CNTN5: variants seen among roughly 807,000 people sequenced by gnomAD.
The protein encoded by CNTN5 is contactin 5.
CNTN5 carries 77 observed loss-of-function variants against 129.1 expected under a neutral mutation model. The observed-to-expected ratio is 0.60, with a 90% CI of 0.50 to 0.72. The LOEUF is 0.72. Ranked by LOEUF, CNTN5 falls within the 30% of genes least tolerant of loss-of-function variation. The pLI, the probability that CNTN5 is intolerant of heterozygous loss-of-function variation, is 0.00. For synonymous variants in CNTN5, 509 were observed against 465.6 expected (o/e 1.09, Z -1.20); for missense variants, 1,478 against 1,328.8 (o/e 1.11, Z -1.75).
intron 2 of CNTN5, among the ~76,000 whole-genome samples, chr11:99,527,554 G>T (rs1032181641): frequency 6.6e-6 from 1 of 152,000 alleles, no homozygotes; most frequent in Non-Finnish European, 1.5e-5. Context: ...GAAAAATAGA[G>T]CAACTTCTCC....
intron 1 of CNTN5, among the ~76,000 whole-genome samples, chr11:99,126,475 C>T (rs1858639532): frequency 6.6e-6 from 1 of 152,164 alleles, no homozygotes; most frequent in Non-Finnish European, 1.5e-5. Flanking sequence ...CAGCCTTCTC[C>T]TGAATAGGTA....
intron 7 of CNTN5, among the ~76,000 whole-genome samples, chr11:99,923,501 A>G (rs758666510): frequency 2.7e-4 from 41 of 152,206 alleles, no homozygotes; most frequent in Non-Finnish European, 4.1e-4. Flanking sequence ...GTCATTTATT[A>G]CTATTTTACT....
chr11:99,976,077 C>A (rs946071276), intron 8 of CNTN5, among the ~76,000 whole-genome samples: 1 of 152,204 alleles, frequency 6.6e-6, no homozygotes, highest in Non-Finnish European at 1.5e-5. Context: ...AACCAAGGGG[C>A]TACAGGCCCC....
Position 99,328,692 on chromosome 11 carries a change from G to T in CNTN5, c.-71+3208G>T, listed in dbSNP as rs939042645. On this transcript the variant is annotated intron_variant, in intron 2 of 24. Transcript: ENST00000524871. ...TTGAGACCAGCTTGACCAACATGGA[G>T]AAACCCCGTCTCTACTAAAAATACA... 5.3e-5 allele frequency among the ~76,000 whole-genome samples: 8 copies of T among 151,824 alleles called. No homozygotes were observed. In the South Asian group the frequency reaches 1.7e-3, roughly 32 times the overall value.
intron 3 of CNTN5, among the ~76,000 whole-genome samples, chr11:99,557,602 G>T (rs10790797): frequency 0.55 from 82,809 of 151,096 alleles, 22,818 homozygotes; most frequent in South Asian, 0.66. Context: ...AATCATTTAA[G>T]CTATATTTTT....
chr11:99,920,698 G>T (rs1012800296), intron 7 of CNTN5, among the ~76,000 whole-genome samples: 3 of 152,144 alleles, frequency 2.0e-5, no homozygotes, highest in African/African-American at 7.2e-5. Context: ...TTCTTGCTGT[G>T]TACTCACATG....
intron 2 of CNTN5, among the ~76,000 whole-genome samples, chr11:99,444,854 C>T (rs192506379): frequency 3.2e-4 from 48 of 151,782 alleles, no homozygotes; most frequent in African/African-American, 1.1e-3. Context: ...TACAGGTATC[C>T]ATAAATAAAG....
chr11:99,487,365 C>T (rs1419130175), intron 2 of CNTN5, among the ~76,000 whole-genome samples: 1 of 152,164 alleles, frequency 6.6e-6, no homozygotes, highest in East Asian at 1.9e-4. Flanking sequence ...GGCTTCTGCA[C>T]TGTGATTACT....
chr11:99,685,840 T>G (rs1319063545), intron 3 of CNTN5, among the ~76,000 whole-genome samples: 1 of 152,104 alleles, frequency 6.6e-6, no homozygotes, highest in East Asian at 1.9e-4. Flanking sequence ...ATTTTATGTT[T>G]TACTATTTGT....
chr11:99,840,291 A>G (rs1947443080), intron 4 of CNTN5, among the ~76,000 whole-genome samples: 1 of 152,176 alleles, frequency 6.6e-6, no homozygotes, highest in Non-Finnish European at 1.5e-5. Flanking sequence ...AAAAAGGAAT[A>G]CAGCATACAA....
chr11:99,840,356 A>T (rs988505871), intron 4 of CNTN5, among the ~76,000 whole-genome samples: 1 of 152,314 alleles, frequency 6.6e-6, no homozygotes, highest in African/African-American at 2.4e-5. Context: ...CCATGGGAAG[A>T]TACATAAGTA....
At chr11:99,200,155 A>AT (rs1332929946) in intron 1 of CNTN5, among the ~76,000 whole-genome samples, 1 of 151,986 alleles carries the variant, frequency 6.6e-6, no homozygotes, top group Non-Finnish European at 1.5e-5. Context: ...GTGGGCAAAG[A>AT]TTTTTTCTAT....
intron 3 of CNTN5, among the ~76,000 whole-genome samples, chr11:99,793,689 G>T (rs930147786): frequency 4.6e-5 from 7 of 152,006 alleles, no homozygotes; most frequent in East Asian, 1.9e-4. Flanking sequence ...CCCAGAAGTC[G>T]CTCAGGAGCA....
intron 1 of CNTN5, among the ~76,000 whole-genome samples, chr11:99,276,720 A>G (rs1555098602): frequency 6.6e-6 from 1 of 151,356 alleles, no homozygotes; most frequent in Non-Finnish European, 1.5e-5. Context: ...ATTTGAGTGT[A>G]TTTTTTTATA....
chr11:99,987,705 CT>C lies in CNTN5; in HGVS notation c.878-14327del, dbSNP rs1225716972. 2.0e-5 allele frequency among the ~76,000 whole-genome samples: 3 copies of C among 151,994 alleles called. No individual in the cohort carries two copies. In the East Asian group the frequency reaches 5.8e-4, roughly 29 times the overall value. On this transcript the variant is annotated intron_variant, in intron 8 of 24. Transcript: ENST00000524871. ...TTGGGAATGGGTAAATAAATTCTTC[CT>C]TGCAAACAATATGAATGTTTCCTGG... is the stretch of plus-strand genomic sequence containing the variant.
At position 99,353,701 on chromosome 11, in the gene CNTN5, A is replaced by T. The variant is rs1938454080; in HGVS notation, c.-71+28217A>T. Among the ~76,000 whole-genome samples, 2 of 152,184 alleles carry T rather than the reference A, an allele frequency of 1.3e-5. 1 individual carries two copies. Among genetic ancestry groups the T allele is most frequent in the South Asian group, 4.1e-4 (2 of 4,824 alleles). ...TGAGGATAGCCAGGACTACCAAGACATTTGCAGATCTGTTGCCTAAGAATG... is the reference window on the plus strand; with the variant it reads ...TGAGGATAGCCAGGACTACCAAGACTTTTGCAGATCTGTTGCCTAAGAATG... On this transcript the variant is annotated intron_variant, in intron 2 of 24. Transcript: ENST00000524871.
chr11:100,184,991 C>G (rs1006785602), intron 13 of CNTN5, among the ~76,000 whole-genome samples: 2 of 148,028 alleles, frequency 1.4e-5, no homozygotes, highest in Non-Finnish European at 3.0e-5. Flanking sequence ...TTATATGGGG[C>G]TCTTCCCACC....
intron 1 of CNTN5, among the ~76,000 whole-genome samples, chr11:99,207,482 G>A (rs575182864): frequency 3.3e-5 from 5 of 152,220 alleles, no homozygotes; most frequent in South Asian, 2.1e-4. Flanking sequence ...TTAAGCAGTG[G>A]CAGAAATTCA....
chr11:99,447,230 A>G (rs927148291), intron 2 of CNTN5, among the ~76,000 whole-genome samples: 1 of 152,212 alleles, frequency 6.6e-6, no homozygotes, highest in South Asian at 2.1e-4. Context: ...ACATTCATGT[A>G]TATTAAAAAT....
Sources: gnomAD v4.1 joint callset for allele counts (sites outside exome capture counted in the v4.1 genomes callset) on GRCh38, gnomAD v4.1.1 for gene constraint, MANE v1.5 for transcripts, NCBI Gene and HGNC (gene_info 2026-07-23, HGNC 2026-07-21) for gene names.